Variants in ETV6 observed in about 807,000 individuals in gnomAD.
The protein encoded by ETV6 is transcription factor ETV6.
ETV6 carries 16 observed loss-of-function variants against 51.1 expected under a neutral mutation model. The observed-to-expected ratio is 0.31, with a 90% CI of 0.21 to 0.48. The LOEUF (loss-of-function observed/expected upper bound fraction) is 0.48, where lower values mean the gene tolerates loss of function less well. ETV6 is among the 20% of genes least tolerant of loss of function. The pLI, the probability that ETV6 is intolerant of heterozygous loss-of-function variation, is 0.99. For synonymous variants in ETV6, 240 were observed against 224.1 expected, an observed-to-expected ratio of 1.07 and a Z score of -0.64; for missense variants, 458 against 594.8, an observed-to-expected ratio of 0.77 and a Z score of 2.39.
intron 1 of ETV6, among the ~76,000 whole-genome samples, chr12:11,686,906 TAGAC>T (rs902148942): frequency 2.6e-5 from 4 of 152,038 alleles, no homozygotes; most frequent in African/African-American, 9.7e-5. Flanking sequence ...TTTTCTATTT[TAGAC>T]AGAGTGTAAC....
chr12:11,853,297 G>C, intron 3 of ETV6, 130 bp from the exon 4 acceptor site: 1 of 966,566 alleles, frequency 1.0e-6, no homozygotes, highest in Non-Finnish European at 1.6e-6. Context: ...AGCTTGGTGA[G>C]GGTAGGAGGT....
rs1214974073 is a variant in ETV6, at chr12:11,893,860, A to G, written c.*2814A>G. ...TATATATACACACACACACACATAC[A>G]CAAATATTCCAGGATACAAAAAAAA... is the stretch of plus-strand genomic sequence containing the variant. On this transcript the variant is annotated 3_prime_UTR_variant, in exon 8 of 8. Coordinates refer to ENST00000396373, the MANE Select transcript of ETV6 (RefSeq NM_001987.5). The G allele has an allele frequency of 1.2e-5, 2 of 172,736 alleles. No individual in the cohort carries two copies. Among genetic ancestry groups the G allele is most frequent in the Non-Finnish European group, 2.4e-5 (2 of 83,700 alleles). The allele number at this position is 172,736 out of a possible 1,614,324, so 10.7% of individuals were successfully genotyped here.
chr12:11,884,614 A>T (rs761881381), intron 6 of ETV6, 27 bp downstream of exon 6: 5 of 1,612,594 alleles, frequency 3.1e-6, no homozygotes, highest in Non-Finnish European at 4.2e-6. Flanking sequence ...TATCTGCTCC[A>T]TAAACTAGTG....
At chr12:11,774,633 G>C (rs973955236) in intron 2 of ETV6, among the ~76,000 whole-genome samples, 1 of 152,150 alleles carries the variant, frequency 6.6e-6, no homozygotes, top group Non-Finnish European at 1.5e-5. Context: ...TTTTCATTTG[G>C]CTCACAAAAG....
rs117329147 is a variant in ETV6, at chr12:11,894,195, G to A, written c.*3149G>A. 581 of 232,018 alleles carry A rather than the reference G, an allele frequency of 2.5e-3. 5 individuals carry two copies. The highest frequency in any genetic ancestry group is 3.5e-3 in the Non-Finnish European group (411 of 117,362). 14.4% of individuals were successfully genotyped at this position (232,018 alleles called of 1,614,324 possible). On this transcript the variant is annotated 3_prime_UTR_variant, in exon 8 of 8. Transcript: ENST00000396373. ...ATTGTACCTGCCTAATCCACCCGGC[G>A]TGACTCATTTCAACACTAAGTACTA... is the stretch of plus-strand genomic sequence containing the variant.
intron 2 of ETV6, among the ~76,000 whole-genome samples, chr12:11,816,953 CACA>C (rs1946002711): frequency 3.3e-5 from 5 of 152,230 alleles, no homozygotes; most frequent in African/African-American, 7.2e-5. Context: ...CCAGGGATAG[CACA>C]TGCCATTACC....
chr12:11,820,648 G>A (rs977431278), intron 2 of ETV6, among the ~76,000 whole-genome samples: 1 of 152,154 alleles, frequency 6.6e-6, no homozygotes, highest in African/African-American at 2.4e-5. Flanking sequence ...AGAGAGGTCA[G>A]CGTGGCTGGA....
chr12:11,749,500 AT>A (rs1865980865), intron 1 of ETV6, among the ~76,000 whole-genome samples: 1 of 152,144 alleles, frequency 6.6e-6, no homozygotes, highest in Admixed American at 6.5e-5. Flanking sequence ...GGTTCCCTTT[AT>A]TTGGGAAATT....
At chr12:11,881,165 C>CG (rs1565565851) in intron 5 of ETV6, among the ~76,000 whole-genome samples, 1 of 152,108 alleles carries the variant, frequency 6.6e-6, no homozygotes, top group African/African-American at 2.4e-5. Context: ...CTTGAACTCC[C>CG]GGACTTTCAA....
intron 1 of ETV6, among the ~76,000 whole-genome samples, chr12:11,726,435 T>C (rs1045240214): frequency 1.3e-5 from 2 of 152,240 alleles, no homozygotes; most frequent in Non-Finnish European, 2.9e-5. Flanking sequence ...GAAAATGGCA[T>C]GATTCCTTCA....
intron 4 of ETV6, among the ~76,000 whole-genome samples, chr12:11,866,747 G>A (rs763191167): frequency 6.6e-5 from 10 of 152,176 alleles, no homozygotes; most frequent in Admixed American, 2.0e-4. Context: ...TGAGGTTTCC[G>A]CTTAGATCTT....
At chr12:11,848,796 A>T (rs1220175886) in intron 3 of ETV6, among the ~76,000 whole-genome samples, 1 of 152,236 alleles carries the variant, frequency 6.6e-6, no homozygotes, top group Non-Finnish European at 1.5e-5. Context: ...TGTTTACATG[A>T]ACTGTGTATG....
intron 4 of ETV6, among the ~76,000 whole-genome samples, chr12:11,868,303 C>T (rs1282737406): frequency 6.6e-6 from 1 of 152,150 alleles, no homozygotes; most frequent in Non-Finnish European, 1.5e-5. Flanking sequence ...TCCTAACTGG[C>T]TGTGTGACCT....
chr12:11,673,373 A>G (rs775193368), intron 1 of ETV6, among the ~76,000 whole-genome samples: 4 of 152,232 alleles, frequency 2.6e-5, no homozygotes, highest in Non-Finnish European at 5.9e-5. Flanking sequence ...AAGGGCTCAT[A>G]CTACAAATCA....
intron 1 of ETV6, among the ~76,000 whole-genome samples, chr12:11,712,951 C>A (rs1865200828): frequency 1.3e-5 from 2 of 152,218 alleles, no homozygotes; most frequent in Admixed American, 6.5e-5. Flanking sequence ...GCCTCGTTTA[C>A]TTTCCTTCTC....
At chr12:11,686,514 A>G (rs1398839457) in intron 1 of ETV6, among the ~76,000 whole-genome samples, 1 of 152,220 alleles carries the variant, frequency 6.6e-6, no homozygotes, top group East Asian at 1.9e-4. Flanking sequence ...AGAGATGCAT[A>G]CAGCAACTTA....
At chr12:11,878,984 A>G (rs1316011715) in intron 5 of ETV6, among the ~76,000 whole-genome samples, 2 of 152,060 alleles carry the variant, frequency 1.3e-5, no homozygotes, top group East Asian at 1.9e-4. Flanking sequence ...CCTGGCCTCT[A>G]CCCACTAGAT....
chr12:11,650,489 A>AAACC lies in ETV6; in HGVS notation c.33+331_33+332insCCAA, dbSNP rs1555109498. ...CCCGTAATTAGTGCGCTTAAAAAAA[A>AAACC]AAAAAACAAAAAACAAAAAAAAAAA... On this transcript the variant is annotated intron_variant, in intron 1 of 7. Transcript: ENST00000396373. Among the ~76,000 whole-genome samples the AAACC allele has an allele frequency of 3.8e-3, 258 of 67,432 alleles. 3 individuals are homozygous for AAACC. Among genetic ancestry groups the AAACC allele is most frequent in the African/African-American group, 0.011 (239 of 22,650 alleles). The allele number at this position is 67,432 out of a possible 152,430, so 44.2% of individuals were successfully genotyped here. A position where few individuals can be genotyped will look rare whatever the true frequency, so the allele number is the denominator to read the frequency against.
At chr12:11,792,813 G>C (rs60381336) in intron 2 of ETV6, among the ~76,000 whole-genome samples, 10 of 152,076 alleles carry the variant, frequency 6.6e-5, no homozygotes, top group Admixed American at 2.0e-4. Context: ...AGAAAAAGGA[G>C]GAAATAAAAA....
Sources: allele counts gnomAD v4.1 joint callset (sites outside exome capture counted in the v4.1 genomes callset), GRCh38; gene constraint gnomAD v4.1.1; transcripts MANE v1.5; gene names NCBI Gene and HGNC (gene_info 2026-07-23, HGNC 2026-07-21).